PAFAH1B1: variants seen among roughly 807,000 people sequenced by gnomAD.
PAFAH1B1 encodes the protein platelet activating factor acetylhydrolase 1b regulatory subunit 1, also known as platelet-activating factor acetylhydrolase IB subunit beta.
A neutral mutation model predicts 57.5 loss-of-function variants in PAFAH1B1; 2 were observed. The observed-to-expected ratio is 0.03, with a 90% CI of 0.01 to 0.11. The LOEUF (loss-of-function observed/expected upper bound fraction) is 0.11, where lower values mean the gene tolerates loss of function less well. Ranked by LOEUF, PAFAH1B1 falls within the 10% of genes least tolerant of loss-of-function variation. PAFAH1B1 has a pLI of 1.00. For synonymous variants in PAFAH1B1, 152 were observed against 169.6 expected, an observed-to-expected ratio of 0.90 and a Z score of 0.81; for missense variants, 257 against 512.0, an observed-to-expected ratio of 0.50 and a Z score of 4.81.
rs142241253 is a variant in PAFAH1B1, at chr17:2,597,781, A to AGTGT, written c.-191+3790_-191+3793dup. On this transcript the variant is annotated intron_variant, in intron 1 of 10. Transcript: ENST00000397195. ...TATACTAAGTAACAGAGAGACAGAAAGTGTGTGTGTGTGTGTGTCTGTCTG... is the reference window on the plus strand; with the variant it reads ...TATACTAAGTAACAGAGAGACAGAAAGTGTGTGTGTGTGTGTGTGTGTCTGTCTG... Among the ~76,000 whole-genome samples the AGTGT allele has an allele frequency of 6.9e-3, 1,042 of 150,956 alleles. 8 individuals carry two copies. The highest frequency in any genetic ancestry group is 0.018 in the South Asian group (84 of 4,792).
At chr17:2,621,868 G>A (rs1040216180) in intron 1 of PAFAH1B1, among the ~76,000 whole-genome samples, 33 of 152,082 alleles carry the variant, frequency 2.2e-4, no homozygotes, top group African/African-American at 7.7e-4. Flanking sequence ...CCGAAACTGG[G>A]AACAAAAAGA....
At chr17:2,669,088 G>A (rs980688035) in intron 5 of PAFAH1B1, among the ~76,000 whole-genome samples, 1 of 151,884 alleles carries the variant, frequency 6.6e-6, no homozygotes, top group Non-Finnish European at 1.5e-5. Context: ...ACAGTCTTAC[G>A]GGATATCAAT....
chr17:2,676,617 A>G lies in PAFAH1B1; in HGVS notation c.1002+11A>G. 2.0e-6 allele frequency: 3 copies of G among 1,477,222 alleles called. No individual in the cohort carries two copies. The highest frequency in any genetic ancestry group is 2.3e-5 in the South Asian group (2 of 88,270). The allele number at this position is 1,477,222 out of a possible 1,614,324, so 91.5% of individuals were successfully genotyped here. ...TGCCTTATGACCCTCGTAAGTTTGC[A>G]TAATCTTACCATTTCTTTTGCATCT... On this transcript the variant is annotated intron_variant, in intron 9 of 10. Coordinates refer to ENST00000397195, the MANE Select transcript of PAFAH1B1 (RefSeq NM_000430.4).
chr17:2,611,285 T>G (rs1318058813), intron 1 of PAFAH1B1, among the ~76,000 whole-genome samples: 3 of 151,950 alleles, frequency 2.0e-5, no homozygotes, highest in Non-Finnish European at 4.4e-5. Flanking sequence ...CTGACCAATA[T>G]GGTGAAACCC....
intron 1 of PAFAH1B1, among the ~76,000 whole-genome samples, chr17:2,620,099 C>T (rs1291250559): frequency 6.6e-6 from 1 of 152,078 alleles, no homozygotes; most frequent in East Asian, 1.9e-4. Flanking sequence ...TTCATAAATG[C>T]TACTTGATAA....
chr17:2,602,015 T>C (rs1017352070), intron 1 of PAFAH1B1, among the ~76,000 whole-genome samples: 2 of 152,120 alleles, frequency 1.3e-5, no homozygotes, highest in Non-Finnish European at 2.9e-5. Context: ...AGTGAAAAAA[T>C]TGGAAATAAC....
At chr17:2,621,789 T>C (rs2068427728) in intron 1 of PAFAH1B1, among the ~76,000 whole-genome samples, 1 of 152,108 alleles carries the variant, frequency 6.6e-6, no homozygotes, top group Non-Finnish European at 1.5e-5. Context: ...GTCCAGCTGA[T>C]TTTTGTATTT....
At chr17:2,665,184 G>GT (rs1381086067) in intron 2 of PAFAH1B1, among the ~76,000 whole-genome samples, 188 bp from the exon 3 acceptor site, 2 of 151,870 alleles carry the variant, frequency 1.3e-5, no homozygotes, top group Non-Finnish European at 2.9e-5. Flanking sequence ...TATGGATGTA[G>GT]TATGACAGGG....
intron 10 of PAFAH1B1, among the ~76,000 whole-genome samples, 186 bp downstream of exon 10, chr17:2,680,506 C>G (rs1396113144): frequency 1.3e-5 from 2 of 152,164 alleles, no homozygotes; most frequent in Non-Finnish European, 2.9e-5. Context: ...TTAACTCTTT[C>G]CATCGTTAGC....
At chr17:2,593,554 C>A (rs2068045306), upstream of PAFAH1B1, among the ~76,000 whole-genome samples, 1 of 150,886 alleles carries the variant, frequency 6.6e-6, no homozygotes, top group East Asian at 1.9e-4. Flanking sequence ...CTCCTCCGCT[C>A]CCGGCGCCCG....
intron 2 of PAFAH1B1, among the ~76,000 whole-genome samples, chr17:2,643,155 T>C (rs1208601277): frequency 6.6e-5 from 10 of 152,304 alleles, no homozygotes; most frequent in African/African-American, 2.4e-4. Context: ...TGCAGTGGCA[T>C]GATCATGGCT....
At chr17:2,653,882 T>C (rs536141684) in intron 2 of PAFAH1B1, among the ~76,000 whole-genome samples, 3 of 152,224 alleles carry the variant, frequency 2.0e-5, no homozygotes, top group East Asian at 3.9e-4. Flanking sequence ...AATCTCGGCT[T>C]ACTGCAACCT....
intron 2 of PAFAH1B1, among the ~76,000 whole-genome samples, chr17:2,651,890 T>C (rs1475380353): frequency 6.6e-6 from 1 of 152,188 alleles, no homozygotes; most frequent in Non-Finnish European, 1.5e-5. Flanking sequence ...TTACTCTTTT[T>C]GTTGTATATT....
intron 2 of PAFAH1B1, among the ~76,000 whole-genome samples, chr17:2,646,234 GTAAAA>G (rs980798108): frequency 4.0e-5 from 6 of 151,882 alleles, no homozygotes; most frequent in Non-Finnish European, 7.4e-5. Flanking sequence ...AAAAAGACCA[GTAAAA>G]TAGACAGTTT....
Position 2,683,033 on chromosome 17 carries a change from G to A in PAFAH1B1, c.*1231G>A, listed in dbSNP as rs954503778. 3 of 152,506 alleles carry A rather than the reference G, an allele frequency of 2.0e-5. No homozygotes were observed. The highest frequency in any genetic ancestry group is 2.0e-4 in the Admixed American group (3 of 15,276). 9.4% of individuals were successfully genotyped at this position (152,506 alleles called of 1,614,324 possible). A position where few individuals can be genotyped will look rare whatever the true frequency, so the allele number is the denominator to read the frequency against. The stretch of plus-strand genomic sequence containing the variant: ...ACGGACAAGTAGAATAAATGTTGCT[G>A]TGGAATGCCATGCTTTAGAACAAAC... On this transcript the variant is annotated 3_prime_UTR_variant, in exon 11 of 11. Transcript: ENST00000397195.
chr17:2,601,253 G>T lies in PAFAH1B1; in HGVS notation c.-191+7247G>T, dbSNP rs565145269. Among the ~76,000 whole-genome samples, 9 of 152,048 alleles carry T rather than the reference G, an allele frequency of 5.9e-5. No individual in the cohort carries two copies. The East Asian group carries it at 1.7e-3, about 29-fold the overall frequency. ...GGGTTCAAGTGATTTTCCTGCCTCA[G>T]CCTTCTGAATAGCTGGGATTACAGG... On this transcript the variant is annotated intron_variant, in intron 1 of 10. Transcript: ENST00000397195.
At chr17:2,597,645 G>A (rs2068098768) in intron 1 of PAFAH1B1, among the ~76,000 whole-genome samples, 1 of 151,334 alleles carries the variant, frequency 6.6e-6, no homozygotes, top group Admixed American at 6.6e-5. Context: ...TCCTGACCTC[G>A]TGATCCGCCC....
chr17:2,669,374 G>T (rs181422083), intron 5 of PAFAH1B1, among the ~76,000 whole-genome samples: 1 of 150,480 alleles, frequency 6.6e-6, no homozygotes, highest in African/African-American at 2.5e-5. Flanking sequence ...AAGCAATTCT[G>T]CCTCAGCCTC....
intron 8 of PAFAH1B1, 82 bp downstream of exon 8, chr17:2,674,370 G>GGAATTA: frequency 1.0e-6 from 1 of 977,402 alleles, no homozygotes; most frequent in Non-Finnish European, 1.6e-6. Context: ...CCTGTTTCAG[G>GGAATTA]GCTGTTAATG....
Sources: allele counts gnomAD v4.1 joint callset (sites outside exome capture counted in the v4.1 genomes callset), GRCh38; gene constraint gnomAD v4.1.1; transcripts MANE v1.5; gene names NCBI Gene and HGNC (gene_info 2026-07-23, HGNC 2026-07-21).